The following ABCA13 variants were observed in gnomAD, a reference collection of about 807,000 sequenced individuals.
ABCA13 encodes the protein ATP binding cassette subfamily A member 13, also known as ATP-binding cassette sub-family A member 13.
ABCA13 carries 476 observed loss-of-function variants against 478.7 expected under a neutral mutation model. That is an observed-to-expected ratio of 0.99 (90% confidence interval 0.92 to 1.07). The LOEUF (loss-of-function observed/expected upper bound fraction) is 1.07, where lower values mean the gene tolerates loss of function less well. Ranked by LOEUF, ABCA13 falls within the 50% of genes least tolerant of loss-of-function variation. ABCA13 has a pLI of 0.00. For missense variants in ABCA13, 6,060 were observed against 5,910.6 expected, an observed-to-expected ratio of 1.03 and a Z score of -0.83; for synonymous variants, 2,252 against 2,158.9, an observed-to-expected ratio of 1.04 and a Z score of -1.20.
Position 48,481,030 on chromosome 7 carries a change from T to C in ABCA13, c.12976-6T>C. The C allele has an allele frequency of 1.9e-6, 3 of 1,568,058 alleles. No homozygotes were observed. The highest frequency in any genetic ancestry group is 2.6e-6 in the Non-Finnish European group (3 of 1,153,120). On this transcript the variant is annotated splice_polypyrimidine_tract_variant and splice_region_variant and intron_variant, in intron 45 of 61. Coordinates refer to ENST00000435803, the MANE Select transcript of ABCA13 (RefSeq NM_152701.5). The stretch of plus-strand genomic sequence containing the variant: ...TTTGTTTTTATCTTTTTGAAAACAA[T>C]TTCAGAAGTGTCCAAATAGAAGTGC...
chr7:48,413,023 G>C (rs970335158), intron 41 of ABCA13, among the ~76,000 whole-genome samples: 1 of 151,778 alleles, frequency 6.6e-6, no homozygotes, highest in African/African-American at 2.4e-5. Context: ...ATGTTAGCCA[G>C]GATGGTCTCG....
At chr7:48,378,368 T>C (rs1312253121) in intron 35 of ABCA13, among the ~76,000 whole-genome samples, 1 of 152,136 alleles carries the variant, frequency 6.6e-6, no homozygotes, top group African/African-American at 2.4e-5. Context: ...TGAGGTCAAC[T>C]TGAGGCTCAG....
intron 53 of ABCA13, among the ~76,000 whole-genome samples, chr7:48,523,213 A>G (rs1057425126): frequency 6.6e-6 from 1 of 152,178 alleles, no homozygotes; most frequent in African/African-American, 2.4e-5. Context: ...CATGTAAGAT[A>G]GAATTCTGAG....
At chr7:48,306,468 G>A (rs1800915799) in intron 23 of ABCA13, among the ~76,000 whole-genome samples, 2 of 152,182 alleles carry the variant, frequency 1.3e-5, no homozygotes, top group South Asian at 2.1e-4. Flanking sequence ...CATTTTGAGG[G>A]ATAGTTTCAT....
chr7:48,427,956 T>A, intron 42 of ABCA13, 85 bp downstream of exon 42: 1 of 955,438 alleles, frequency 1.0e-6, no homozygotes, highest in Non-Finnish European at 1.5e-6. Context: ...AAAAGTTGTA[T>A]AGCAAGGTTC....
At chr7:48,269,274 A>C (rs1185836042) in intron 16 of ABCA13, among the ~76,000 whole-genome samples, 180 bp downstream of exon 16, 3 of 152,196 alleles carry the variant, frequency 2.0e-5, no homozygotes, top group Non-Finnish European at 4.4e-5. Context: ...TCAAGTATCA[A>C]GTTGTTTAAT....
At chr7:48,557,862 A>G (rs1585800884) in intron 55 of ABCA13, among the ~76,000 whole-genome samples, 1 of 152,172 alleles carries the variant, frequency 6.6e-6, no homozygotes, top group Non-Finnish European at 1.5e-5. Flanking sequence ...AAGTTCTCTG[A>G]TATTATCCCT....
intron 55 of ABCA13, among the ~76,000 whole-genome samples, chr7:48,539,327 T>C (rs1055171548): frequency 1.3e-5 from 2 of 151,592 alleles, no homozygotes; most frequent in Non-Finnish European, 2.9e-5. Context: ...TTTTTTTTTT[T>C]GCTTTTAGCA....
Position 48,274,039 on chromosome 7 carries a change from G to C in ABCA13, c.4373G>C (p.Cys1458Ser). Residue 1458 changes from cysteine (C) to serine (S), a missense_variant, in exon 17 of 62, where the codon TGT (cysteine) becomes TCT (serine). By Grantham distance (112) the Cys-to-Ser change is moderately radical (BLOSUM62 -1). This residue lies in a region of ABCA13 where 4,423 missense variants were observed against 4,309.1 expected (regional missense o/e 1.03). Transcript: ENST00000435803. ...LCSSNGSHIN[C>S]VNIYLKDVTD... ...TCATCAAATGGCTCACATATAAATTGTGTCAATATTTACTTGAAAGATGTA... is the reference window on the plus strand; with the variant it reads ...TCATCAAATGGCTCACATATAAATTCTGTCAATATTTACTTGAAAGATGTA... The C allele has an allele frequency of 1.2e-6, 2 of 1,605,730 alleles. No homozygotes were observed. Among genetic ancestry groups the C allele is most frequent in the Non-Finnish European group, 1.7e-6 (2 of 1,174,146 alleles).
chr7:48,493,378 T>C (rs1830009047), intron 48 of ABCA13, among the ~76,000 whole-genome samples: 1 of 152,120 alleles, frequency 6.6e-6, no homozygotes, highest in African/African-American at 2.4e-5. Context: ...TTTTGTTAAA[T>C]TAAAATATTA....
rs1473539005 is a variant in ABCA13, at chr7:48,279,204, T to G, written c.8010T>G (p.Ser2670=). The stretch of plus-strand genomic sequence containing the variant: ...AGACTCAAACATTTTCTATGGATTC[T>G]GTCAACTTACGGGAAGAAATTCTGG... The part of the protein sequence containing the change: ...NNETQTFSMD[S]VNLREEILGC... Residue 2670 remains serine (S), a synonymous_variant, in exon 18 of 62, where the codon TCT becomes TCG. Transcript: ENST00000435803. 1 of 1,595,238 alleles carries G rather than the reference T, an allele frequency of 6.3e-7. No homozygotes were observed. Among genetic ancestry groups the G allele is most frequent in the Non-Finnish European group, 8.5e-7 (1 of 1,170,352 alleles).
At chr7:48,203,948 A>T (rs1784559532) in intron 3 of ABCA13, among the ~76,000 whole-genome samples, 1 of 151,610 alleles carries the variant, frequency 6.6e-6, no homozygotes, top group Non-Finnish European at 1.5e-5. Context: ...ATTTTAATTT[A>T]TTTTTTTCTC....
intron 41 of ABCA13, among the ~76,000 whole-genome samples, chr7:48,425,908 A>T (rs1208569774): frequency 1.3e-5 from 2 of 151,486 alleles, no homozygotes; most frequent in African/African-American, 4.8e-5. Flanking sequence ...CGCCCGGCTA[A>T]TTTTTTGTAT....
chr7:48,586,140 A>G (rs1789157793), intron 56 of ABCA13, among the ~76,000 whole-genome samples: 2 of 152,268 alleles, frequency 1.3e-5, no homozygotes, highest in South Asian at 2.1e-4. Context: ...AAGAAGAAAG[A>G]AGCTGTGAAC....
chr7:48,608,427 A>G (rs1791688038), intron 58 of ABCA13, among the ~76,000 whole-genome samples: 1 of 152,230 alleles, frequency 6.6e-6, no homozygotes, highest in African/African-American at 2.4e-5. Context: ...TTCACAAAGA[A>G]CATGTGGCTG....
rs368370887 is a variant in ABCA13 at position 48,277,848 on chromosome 7, A to T, written c.6900-246A>T. ...ATAAGCAAAAGTTTGTGGCTTTTTA[A>T]GTTGCTAGGTTTAAAGAACTGTAAC... On this transcript the variant is annotated intron_variant, in intron 17 of 61. Transcript: ENST00000435803. Among the ~76,000 whole-genome samples the T allele has an allele frequency of 6.6e-5, 10 of 152,312 alleles. No individual in the cohort carries two copies. In the East Asian group the frequency reaches 1.2e-3, roughly 18 times the overall value.
At position 48,587,369 on chromosome 7, in the gene ABCA13, G is replaced by C; in HGVS notation, c.14640+81G>C. On this transcript the variant is annotated intron_variant, in intron 57 of 61. Transcript: ENST00000435803. ...TAAACTGATTTTAAGGGTTTTTCTG[G>C]GAAGTAACTTCAGAACTTGCAAAGC... 3.5e-6 allele frequency: 5 copies of C among 1,424,484 alleles called. No homozygotes were observed. In the South Asian group the frequency reaches 8.0e-5, roughly 23 times the overall value. 88.2% of individuals were successfully genotyped at this position (1,424,484 alleles called of 1,614,324 possible).
At chr7:48,181,903 T>G (rs1002476253) in intron 1 of ABCA13, among the ~76,000 whole-genome samples, 8 of 152,226 alleles carry the variant, frequency 5.3e-5, no homozygotes, top group Admixed American at 3.9e-4. Context: ...ATTTTGATTA[T>G]GTTTCCATTC....
intron 7 of ABCA13, among the ~76,000 whole-genome samples, chr7:48,232,139 ATTTTTTTTTTTTTTTTT>A (rs71006559): frequency 2.3e-4 from 12 of 51,318 alleles, no homozygotes; most frequent in Non-Finnish European, 3.6e-4. Context: ...CCCACATGGA[ATTTTTTTTTTTTTTTTT>A]TTTTTTTTAG....
Sources: allele counts gnomAD v4.1 joint callset (sites outside exome capture counted in the v4.1 genomes callset), GRCh38; gene constraint gnomAD v4.1.1; regional missense constraint gnomAD v4.1.1; transcripts MANE v1.5; gene names NCBI Gene and HGNC (gene_info 2026-07-23, HGNC 2026-07-21).